Variants in GABRB1 observed in about 807,000 individuals in gnomAD.
GABRB1 encodes the protein gamma-aminobutyric acid receptor subunit beta-1.
Under a neutral mutation model 51.6 loss-of-function variants are expected in GABRB1, and 17 were observed. The ratio of observed to expected loss-of-function variants is 0.33; its 90% CI spans 0.23 to 0.49. The LOEUF is 0.49. Ranked by LOEUF, GABRB1 falls within the 20% of genes least tolerant of loss-of-function variation. The probability of loss-of-function intolerance (pLI) is 0.99; values close to 1 mark genes in which losing one functional copy is unlikely to be tolerated. For synonymous variants in GABRB1, 247 were observed against 218.9 expected (o/e 1.13, Z -1.14); for missense variants, 410 against 600.6 (o/e 0.68, Z 3.32).
chr4:47,383,735 AC>A (rs1727676479), intron 5 of GABRB1, among the ~76,000 whole-genome samples: 1 of 152,156 alleles, frequency 6.6e-6, no homozygotes. Context: ...AAGTATTATA[AC>A]TTAAGCATTA....
chr4:47,122,953 A>G (rs182990524), intron 3 of GABRB1, among the ~76,000 whole-genome samples: 1 of 152,302 alleles, frequency 6.6e-6, no homozygotes, highest in East Asian at 1.9e-4. Flanking sequence ...GCACGTATAT[A>G]GTGTAAAAGC....
At chr4:47,354,972 C>T (rs1457332432) in intron 5 of GABRB1, among the ~76,000 whole-genome samples, 3 of 105,246 alleles carry the variant, frequency 2.9e-5, no homozygotes, top group Admixed American at 9.9e-5. Context: ...TTCTTTCTTT[C>T]TTCCTTTGTT....
At position 47,079,881 on chromosome 4, in the gene GABRB1, G is replaced by A. The variant is rs553490317; in HGVS notation, c.240+47397G>A. Reference sequence around the variant, plus strand: ...GGGGAGGGGGGAGGGATAGCATTAGGAGATATATCTAATTTTAAATGACGA... The same window carrying A: ...GGGGAGGGGGGAGGGATAGCATTAGAAGATATATCTAATTTTAAATGACGA... On this transcript the variant is annotated intron_variant, in intron 3 of 8. Coordinates refer to ENST00000295454, the MANE Select transcript of GABRB1 (RefSeq NM_000812.4). Among the ~76,000 whole-genome samples, 36 of 151,108 alleles carry A rather than the reference G, an allele frequency of 2.4e-4. No homozygotes were observed. The East Asian group carries it at 6.5e-3, about 27-fold the overall frequency.
chr4:47,383,453 GAAT>G (rs1321957993), intron 5 of GABRB1, among the ~76,000 whole-genome samples: 1 of 151,822 alleles, frequency 6.6e-6, no homozygotes, highest in Non-Finnish European at 1.5e-5. Context: ...GAGAGTGAGT[GAAT>G]AAGGGATATG....
intron 1 of GABRB1, among the ~76,000 whole-genome samples, chr4:47,014,521 C>A (rs1248639720): frequency 3.3e-5 from 5 of 152,026 alleles, no homozygotes; most frequent in Admixed American, 2.6e-4. Context: ...TAGCATTTCC[C>A]CCTCTCTCCC....
chr4:47,095,821 G>A (rs1212515259), intron 3 of GABRB1, among the ~76,000 whole-genome samples: 3 of 152,048 alleles, frequency 2.0e-5, no homozygotes, highest in Admixed American at 6.5e-5. Context: ...ATAAGCCATC[G>A]GTAGTCTTTA....
intron 8 of GABRB1, among the ~76,000 whole-genome samples, chr4:47,410,796 G>A (rs988206052): frequency 2.0e-5 from 3 of 152,106 alleles, no homozygotes; most frequent in African/African-American, 4.8e-5. Context: ...GGAGTGTGGG[G>A]GTGGTAAGCA....
At chr4:47,186,384 A>G (rs1221078425) in intron 4 of GABRB1, among the ~76,000 whole-genome samples, 1 of 151,812 alleles carries the variant, frequency 6.6e-6, no homozygotes, top group Non-Finnish European at 1.5e-5. Context: ...CCTATTTGTA[A>G]TTTTTAGTTT....
intron 3 of GABRB1, among the ~76,000 whole-genome samples, chr4:47,076,783 C>T (rs1577885483): frequency 6.6e-6 from 1 of 152,180 alleles, no homozygotes; most frequent in East Asian, 1.9e-4. Context: ...ACTTGATTAG[C>T]CATTTTCCCC....
rs151297241 is a variant in GABRB1 at position 47,094,171 on chromosome 4, T to G, written c.240+61687T>G. On this transcript the variant is annotated intron_variant, in intron 3 of 8. Transcript: ENST00000295454. ...CGGTAGGGAACAAAAGTTTTTAAACTATAGTTTTGAAAGAAAGTAAGGATG... is the reference window on the plus strand; with the variant it reads ...CGGTAGGGAACAAAAGTTTTTAAACGATAGTTTTGAAAGAAAGTAAGGATG... Among the ~76,000 whole-genome samples the G allele has an allele frequency of 7.9e-3, 1,201 of 152,034 alleles. 8 individuals carry two copies. Among genetic ancestry groups the G allele is most frequent in the Admixed American group, 0.016 (250 of 15,264 alleles).
chr4:47,343,684 T>A (rs1725984758), intron 5 of GABRB1, among the ~76,000 whole-genome samples: 1 of 152,194 alleles, frequency 6.6e-6, no homozygotes, highest in African/African-American at 2.4e-5. Context: ...ATTTGCAGCC[T>A]GGCATGTATA....
intron 1 of GABRB1, among the ~76,000 whole-genome samples, chr4:47,006,055 T>C: frequency 6.6e-6 from 1 of 151,834 alleles, no homozygotes. Context: ...TTATTTTGCT[T>C]GGTAAAAATC....
intron 4 of GABRB1, among the ~76,000 whole-genome samples, chr4:47,183,233 G>A (rs955539951): frequency 4.0e-5 from 6 of 150,844 alleles, no homozygotes; most frequent in African/African-American, 1.5e-4. Flanking sequence ...GGTGGTGAGA[G>A]AACTGCTAAT....
intron 1 of GABRB1, among the ~76,000 whole-genome samples, chr4:47,008,197 A>G (rs1399255909): frequency 1.3e-5 from 2 of 152,122 alleles, no homozygotes; most frequent in African/African-American, 4.8e-5. Context: ...GTTGTCATTC[A>G]TTAAATACAG....
chr4:47,333,413 G>A (rs188872002), intron 5 of GABRB1, among the ~76,000 whole-genome samples: 129 of 151,996 alleles, frequency 8.5e-4, no homozygotes, highest in Admixed American at 5.6e-3. Flanking sequence ...ATAGACAACG[G>A]TTTTTACAAT....
intron 5 of GABRB1, among the ~76,000 whole-genome samples, chr4:47,397,662 G>A (rs1728223739): frequency 6.6e-6 from 1 of 152,044 alleles, no homozygotes; most frequent in Admixed American, 6.6e-5. Flanking sequence ...CACCTCCCAG[G>A]TTCAAGCAAT....
chr4:47,068,470 G>T (rs1243521394), intron 3 of GABRB1, among the ~76,000 whole-genome samples: 3 of 152,190 alleles, frequency 2.0e-5, no homozygotes, highest in Non-Finnish European at 4.4e-5. Context: ...TTGATTGAAA[G>T]TGAGAGACAT....
At chr4:47,257,467 G>A (rs1722257593) in intron 4 of GABRB1, among the ~76,000 whole-genome samples, 1 of 152,160 alleles carries the variant, frequency 6.6e-6, no homozygotes, top group Non-Finnish European at 1.5e-5. Context: ...AAAGATTACA[G>A]CTAAAAGTTA....
intron 4 of GABRB1, among the ~76,000 whole-genome samples, chr4:47,315,736 T>C (rs1202690385): frequency 6.6e-6 from 1 of 151,966 alleles, no homozygotes; most frequent in Non-Finnish European, 1.5e-5. Context: ...TGCAGCAACA[T>C]GGATGGAGGT....
Sources: allele counts gnomAD v4.1 joint callset (sites outside exome capture counted in the v4.1 genomes callset), GRCh38; gene constraint gnomAD v4.1.1; transcripts MANE v1.5; gene names NCBI Gene and HGNC (gene_info 2026-07-23, HGNC 2026-07-21).